The following SNX9 variants were observed in gnomAD, a reference collection of about 807,000 sequenced individuals.
The protein encoded by SNX9 is sorting nexin-9.
A neutral mutation model predicts 89.4 loss-of-function variants in SNX9; 44 were observed. The ratio of observed to expected loss-of-function variants is 0.49; its 90% CI spans 0.39 to 0.63. The LOEUF is 0.63. SNX9 is among the 30% of genes least tolerant of loss of function. The probability of loss-of-function intolerance (pLI) is 0.00; values close to 1 mark genes in which losing one functional copy is unlikely to be tolerated. For missense variants in SNX9, 578 were observed against 736.1 expected (o/e 0.79, Z 2.49); for synonymous variants, 236 against 247.8 (o/e 0.95, Z 0.45).
chr6:157,888,391 T>C (rs1490478892), intron 4 of SNX9, among the ~76,000 whole-genome samples: 2 of 152,234 alleles, frequency 1.3e-5, no homozygotes, highest in African/African-American at 2.4e-5. Flanking sequence ...TTAGAAAATA[T>C]AATGCATTGA....
intron 4 of SNX9, among the ~76,000 whole-genome samples, chr6:157,878,057 T>C (rs1475270537): frequency 6.6e-6 from 1 of 152,234 alleles, no homozygotes; most frequent in Non-Finnish European, 1.5e-5. Context: ...CTATGTAAGA[T>C]AGCACTTTCT....
At chr6:157,842,942 C>A (rs1364484826) in intron 1 of SNX9, among the ~76,000 whole-genome samples, 1 of 152,122 alleles carries the variant, frequency 6.6e-6, no homozygotes, top group Non-Finnish European at 1.5e-5. Context: ...CAGGAAAGGG[C>A]TGTTACCAAT....
At chr6:157,830,638 A>G (rs1441124322) in intron 1 of SNX9, 5 of 152,358 alleles carry the variant, frequency 3.3e-5, no homozygotes, top group Admixed American at 6.5e-5. Flanking sequence ...TGTGCCGTCC[A>G]TATGGTAACT....
chr6:157,864,294 G>A (rs376367232), intron 1 of SNX9, among the ~76,000 whole-genome samples: 2 of 152,034 alleles, frequency 1.3e-5, no homozygotes, highest in African/African-American at 4.8e-5. Context: ...CAAAGCCTCC[G>A]TGACCTAAAC....
In SNX9 at chr6:157,827,673, TGAA is replaced by T. The variant is rs1161099249; in HGVS notation, c.12+4231_12+4233del. Reference sequence around the variant, plus strand: ...AAAAGATCAAGTTCTGGAAAAGAAATGAAGAATTTTTTTTCAGTGTCTGTCAAA... The same window carrying T: ...AAAAGATCAAGTTCTGGAAAAGAAATGAATTTTTTTTCAGTGTCTGTCAAA... On this transcript the variant is annotated intron_variant, in intron 1 of 17. Transcript: ENST00000392185. Among the ~76,000 whole-genome samples the T allele has an allele frequency of 8.1e-5, 12 of 148,632 alleles. No individual in the cohort carries two copies. The East Asian group carries it at 1.2e-3, about 14-fold the overall frequency.
At chr6:157,844,088 T>A (rs944601675) in intron 1 of SNX9, among the ~76,000 whole-genome samples, 4 of 152,088 alleles carry the variant, frequency 2.6e-5, no homozygotes, top group Admixed American at 6.5e-5. Flanking sequence ...TTGGCCTGGC[T>A]GGTCTCGAAC....
At chr6:157,831,302 A>G (rs1168479566) in intron 1 of SNX9, among the ~76,000 whole-genome samples, 1 of 152,176 alleles carries the variant, frequency 6.6e-6, no homozygotes, top group Non-Finnish European at 1.5e-5. Context: ...GTATCCTTCC[A>G]GGGAGGATTT....
chr6:157,912,620 T>C (rs1783372014), intron 9 of SNX9, among the ~76,000 whole-genome samples: 1 of 152,204 alleles, frequency 6.6e-6, no homozygotes, highest in Non-Finnish European at 1.5e-5. Context: ...ATCATTATTA[T>C]GTAAGAATTC....
At chr6:157,935,348 A>C (rs1030653236) in intron 13 of SNX9, among the ~76,000 whole-genome samples, 1 of 152,170 alleles carries the variant, frequency 6.6e-6, no homozygotes, top group African/African-American at 2.4e-5. Context: ...CTAAGAGTAG[A>C]AATAACTGAA....
rs1166344058 is a variant in SNX9 at position 157,823,408 on chromosome 6, C to T, written c.-27C>T. 17 of 1,259,296 alleles carry T rather than the reference C, an allele frequency of 1.3e-5. No homozygotes were observed. The highest frequency in any genetic ancestry group is 3.5e-5 in the Admixed American group (1 of 28,236). The allele number at this position is 1,259,296 out of a possible 1,614,324, so 78.0% of individuals were successfully genotyped here. A position where few individuals can be genotyped will look rare whatever the true frequency, so the allele number is the denominator to read the frequency against. On this transcript the variant is annotated 5_prime_UTR_variant, in exon 1 of 18. Coordinates refer to ENST00000392185, the MANE Select transcript of SNX9 (RefSeq NM_016224.5). The surrounding 1 kb of genome is among the most constrained non-coding windows in gnomAD (Gnocchi z 4.6). ...TCCGCGGCGCGGGAGACGAGCCGGC[C>T]GTCCCGGGCCGGGGGACCCGCCCGC...
At chr6:157,884,663 A>G (rs146592565) in intron 4 of SNX9, among the ~76,000 whole-genome samples, 1 of 152,118 alleles carries the variant, frequency 6.6e-6, no homozygotes, top group Admixed American at 6.5e-5. Flanking sequence ...TACCAGTGTT[A>G]GAGGATTTAT....
At chr6:157,863,661 A>T (rs998965976) in intron 1 of SNX9, among the ~76,000 whole-genome samples, 5 of 152,224 alleles carry the variant, frequency 3.3e-5, no homozygotes, top group Non-Finnish European at 7.3e-5. Context: ...AATAGATGGC[A>T]GTTGGGGTTG....
chr6:157,909,888 C>T lies in SNX9; in HGVS notation c.832-20C>T, dbSNP rs762676360. On this transcript the variant is annotated intron_variant, in intron 8 of 17. Transcript: ENST00000392185. ...CTAGAGTTGGCATTGGTAACCTTTT[C>T]TCTTTCCCTTATTTTGTAGAACACT... 3.7e-6 allele frequency: 6 copies of T among 1,612,966 alleles called. No individual in the cohort carries two copies. The highest frequency in any genetic ancestry group is 5.1e-6 in the Non-Finnish European group (6 of 1,179,240).
At chr6:157,879,945 C>A (rs1032123733) in intron 4 of SNX9, among the ~76,000 whole-genome samples, 1 of 152,226 alleles carries the variant, frequency 6.6e-6, no homozygotes, top group African/African-American at 2.4e-5. Context: ...GATGTCTTAT[C>A]TGAAGGTTTT....
chr6:157,911,409 C>A (rs371601794), intron 9 of SNX9, among the ~76,000 whole-genome samples: 1 of 152,128 alleles, frequency 6.6e-6, no homozygotes, highest in African/African-American at 2.4e-5. Flanking sequence ...TCACTGCACT[C>A]GCAAGAGTCG....
At position 157,823,684 on chromosome 6, in the gene SNX9, C is replaced by T. The variant is rs978732074; in HGVS notation, c.12+238C>T. 4.0e-5 allele frequency among the ~76,000 whole-genome samples: 6 copies of T among 151,894 alleles called. No homozygotes were observed. Among genetic ancestry groups the T allele is most frequent in the African/African-American group, 1.4e-4 (6 of 41,394 alleles). On this transcript the variant is annotated intron_variant, in intron 1 of 17. Coordinates refer to ENST00000392185, the MANE Select transcript of SNX9 (RefSeq NM_016224.5). The surrounding 1 kb of genome is among the most constrained non-coding windows in gnomAD (Gnocchi z 4.6). Reference sequence around the variant, plus strand: ...CGGGGGACGGCGTCGGGTCTGGGCGCGGGTTGGGACCCCGGGCGCAGCGAG... The same window carrying T: ...CGGGGGACGGCGTCGGGTCTGGGCGTGGGTTGGGACCCCGGGCGCAGCGAG...
intron 11 of SNX9, 116 bp downstream of exon 11, chr6:157,927,330 A>G (rs759010208): frequency 3.3e-5 from 22 of 661,078 alleles, no homozygotes; most frequent in Non-Finnish European, 5.6e-5. Context: ...CTTTTATGAA[A>G]TGAGTGGGAT....
Position 157,836,742 on chromosome 6 carries a change from TAC to T in SNX9, c.12+13297_12+13298del, listed in dbSNP as rs1469661879. Among the ~76,000 whole-genome samples, 3 of 152,130 alleles carry T rather than the reference TAC, an allele frequency of 2.0e-5. No individual in the cohort carries two copies. In the East Asian group the frequency reaches 5.8e-4, roughly 29 times the overall value. On this transcript the variant is annotated intron_variant, in intron 1 of 17. Coordinates refer to ENST00000392185, the MANE Select transcript of SNX9 (RefSeq NM_016224.5). ...AGTAGCTGGGACTACAGGCACCCAC[TAC>T]CATGCCTGGCTAATTTTTTTGTATT...
chr6:157,941,055 C>A, intron 17 of SNX9, 81 bp downstream of exon 17: 1 of 1,244,934 alleles, frequency 8.0e-7, no homozygotes, highest in South Asian at 1.3e-5. Context: ...TAAAGTTAAT[C>A]TGTTTGTATT....
Sources: allele counts gnomAD v4.1 joint callset (sites outside exome capture counted in the v4.1 genomes callset), GRCh38; gene constraint gnomAD v4.1.1; non-coding constraint Gnocchi (gnomAD v3.1); transcripts MANE v1.5; gene names NCBI Gene and HGNC (gene_info 2026-07-23, HGNC 2026-07-21).